LTBP1: variants seen among roughly 807,000 people sequenced by gnomAD.
The protein encoded by LTBP1 is latent transforming growth factor beta binding protein 1.
A neutral mutation model predicts 207.6 loss-of-function variants in LTBP1; 129 were observed. The ratio of observed to expected loss-of-function variants is 0.62; its 90% CI spans 0.54 to 0.72. The LOEUF (loss-of-function observed/expected upper bound fraction) is 0.72, where lower values mean the gene tolerates loss of function less well. Among genes scored for constraint, LTBP1 ranks in the 30% least tolerant of loss-of-function variants. The pLI is 0.00. For synonymous variants in LTBP1, 963 were observed against 833.7 expected, an observed-to-expected ratio of 1.16 and a Z score of -2.67; for missense variants, 2,281 against 2,217.2, an observed-to-expected ratio of 1.03 and a Z score of -0.58.
At chr2:33,177,412 G>A (rs745452601) in intron 5 of LTBP1, among the ~76,000 whole-genome samples, 28 of 152,180 alleles carry the variant, frequency 1.8e-4, no homozygotes, top group Non-Finnish European at 4.4e-5. Flanking sequence ...CACTTTGCAG[G>A]GCTGAAGTGG....
At chr2:33,323,173 T>TTA (rs2149362298) in intron 24 of LTBP1, among the ~76,000 whole-genome samples, 1 of 152,294 alleles carries the variant, frequency 6.6e-6, no homozygotes, top group African/African-American at 2.4e-5. Context: ...CTCAGAACAC[T>TTA]TACACTAGCC....
At position 32,947,020 on chromosome 2, in the gene LTBP1, A is replaced by C. The variant is rs1676276470; in HGVS notation, c.-305A>C. ...CGGGCCCCGCTGCGGCGCGCGCTGC[A>C]ACCCCCGGCCGGACGCGCGGACCCT... On this transcript the variant is annotated 5_prime_UTR_variant, in exon 1 of 34. Coordinates refer to ENST00000404816, the MANE Select transcript of LTBP1 (RefSeq NM_206943.4). 8.9e-6 allele frequency: 2 copies of C among 223,888 alleles called. No individual in the cohort carries two copies. The highest frequency in any genetic ancestry group is 1.2e-4 in the Admixed American group (2 of 17,260). The allele number at this position is 223,888 out of a possible 1,614,324, so 13.9% of individuals were successfully genotyped here.
intron 22 of LTBP1, among the ~76,000 whole-genome samples, chr2:33,307,642 C>G (rs983774379): frequency 6.6e-6 from 1 of 152,206 alleles, no homozygotes. Flanking sequence ...ATTGAGCTGA[C>G]TCTTAAGTAG....
intron 32 of LTBP1, among the ~76,000 whole-genome samples, chr2:33,391,404 T>C (rs2095313408): frequency 6.6e-6 from 1 of 152,260 alleles, no homozygotes; most frequent in Non-Finnish European, 1.5e-5. Context: ...GGTTTGATGC[T>C]TCTCTGTATA....
chr2:33,302,242 T>G (rs1276755041), intron 22 of LTBP1, among the ~76,000 whole-genome samples: 2 of 152,230 alleles, frequency 1.3e-5, no homozygotes. Context: ...GGTCTGTCAC[T>G]TGTGACCTTT....
At chr2:33,100,129 A>G (rs1558636167) in intron 3 of LTBP1, among the ~76,000 whole-genome samples, 1 of 152,204 alleles carries the variant, frequency 6.6e-6, no homozygotes, top group Non-Finnish European at 1.5e-5. Context: ...GGCAAACTGG[A>G]TGTTAATTCC....
intron 18 of LTBP1, among the ~76,000 whole-genome samples, chr2:33,278,272 T>C (rs2093487308): frequency 2.0e-5 from 3 of 152,174 alleles, no homozygotes; most frequent in African/African-American, 4.8e-5. Context: ...TTCGGTGATA[T>C]TCAATATATG....
rs1373634281 is a variant in LTBP1 at position 33,277,834 on chromosome 2, T to TTC, written c.2992+1912_2992+1913insCT. ...CTTTTTTTCTTTCTTTCTTTCTTTT[T>TTC]TTTTTTTTTTTTTTAAAGACAGTCT... On this transcript the variant is annotated intron_variant, in intron 18 of 33. Transcript: ENST00000404816. Among the ~76,000 whole-genome samples, 9 of 113,572 alleles carry TTC rather than the reference T, an allele frequency of 7.9e-5. No individual in the cohort carries two copies. In the South Asian group the frequency reaches 8.5e-4, roughly 11 times the overall value. 74.5% of individuals were successfully genotyped at this position (113,572 alleles called of 152,430 possible).
chr2:33,374,964 A>T (rs1036769924), intron 31 of LTBP1, among the ~76,000 whole-genome samples: 1 of 152,178 alleles, frequency 6.6e-6, no homozygotes, highest in African/African-American at 2.4e-5. Flanking sequence ...AAAAGAAAAA[A>T]GAAAGGACTC....
At chr2:33,214,584 C>G (rs978210612) in intron 7 of LTBP1, among the ~76,000 whole-genome samples, 7 of 152,208 alleles carry the variant, frequency 4.6e-5, no homozygotes, top group Non-Finnish European at 1.0e-4. Context: ...CTGTTCCAAC[C>G]TCGGGGACTT....
At position 33,218,432 on chromosome 2, in the gene LTBP1, T is replaced by A. The variant is rs188883618; in HGVS notation, c.1804+778T>A. Among the ~76,000 whole-genome samples the A allele has an allele frequency of 1.1e-4, 17 of 152,346 alleles. No individual in the cohort carries two copies. The East Asian group carries it at 3.1e-3, about 28-fold the overall frequency. ...TCTTTTTGAGACGGAATTTCACTAT[T>A]GTCGCCCAGGCTGGAGCACAGTGGG... On this transcript the variant is annotated intron_variant, in intron 8 of 33. Coordinates refer to ENST00000404816, the MANE Select transcript of LTBP1 (RefSeq NM_206943.4).
At chr2:33,360,885 C>A (rs539852131) in intron 27 of LTBP1, 106 bp downstream of exon 27, 1 of 936,886 alleles carries the variant, frequency 1.1e-6, no homozygotes, top group Admixed American at 2.4e-5. Flanking sequence ...AGGCGACTTA[C>A]CTTATAGTGA....
Position 32,992,902 on chromosome 2 carries a change from T to C in LTBP1, c.566-28007T>C, listed in dbSNP as rs144172253. On this transcript the variant is annotated intron_variant, in intron 2 of 33. Coordinates refer to ENST00000404816, the MANE Select transcript of LTBP1 (RefSeq NM_206943.4). ...TAGGGAGTGGGAAACAGGGCTGGCA[T>C]CAGTGGGGAAGCTGGAGTCGGCAGA... Among the ~76,000 whole-genome samples the C allele has an allele frequency of 5.7e-3, 860 of 152,012 alleles. 5 individuals carry two copies. The highest frequency in any genetic ancestry group is 0.019 in the African/African-American group (768 of 41,466).
At chr2:32,989,136 T>A (rs1479765574) in intron 2 of LTBP1, among the ~76,000 whole-genome samples, 1 of 152,204 alleles carries the variant, frequency 6.6e-6, no homozygotes, top group Non-Finnish European at 1.5e-5. Context: ...GATATTCTTC[T>A]CAGAAATCCA....
intron 31 of LTBP1, among the ~76,000 whole-genome samples, chr2:33,371,878 G>C (rs1179581771): frequency 6.6e-6 from 1 of 152,248 alleles, no homozygotes; most frequent in African/African-American, 2.4e-5. Flanking sequence ...ATTGCATGCA[G>C]TTCTGAGTAG....
intron 2 of LTBP1, among the ~76,000 whole-genome samples, chr2:32,956,589 G>C (rs1678105669): frequency 6.6e-6 from 1 of 152,130 alleles, no homozygotes; most frequent in South Asian, 2.1e-4. Flanking sequence ...CTCCACTGAA[G>C]TCTTGAACTC....
At chr2:33,017,170 G>A (rs897444419) in intron 2 of LTBP1, among the ~76,000 whole-genome samples, 3 of 152,142 alleles carry the variant, frequency 2.0e-5, no homozygotes, top group Non-Finnish European at 4.4e-5. Flanking sequence ...GTAGACTTTT[G>A]GCAATGTATA....
At chr2:33,230,810 C>G (rs2091741279) in intron 9 of LTBP1, among the ~76,000 whole-genome samples, 1 of 152,156 alleles carries the variant, frequency 6.6e-6, no homozygotes, top group South Asian at 2.1e-4. Flanking sequence ...AAGCAAGTAT[C>G]TCTTTTGACA....
chr2:33,163,220 C>T (rs1021075544), intron 5 of LTBP1, among the ~76,000 whole-genome samples: 4 of 152,184 alleles, frequency 2.6e-5, no homozygotes, highest in Admixed American at 6.5e-5. Context: ...CTCAAGTGAT[C>T]CACTTGCCAA....
Sources: allele counts gnomAD v4.1 joint callset (sites outside exome capture counted in the v4.1 genomes callset), GRCh38; gene constraint gnomAD v4.1.1; transcripts MANE v1.5; gene names NCBI Gene and HGNC (gene_info 2026-07-23, HGNC 2026-07-21).